Variants in WWOX observed in about 807,000 individuals in gnomAD.
WWOX encodes WW domain containing oxidoreductase, also known as WW domain-containing oxidoreductase.
WWOX carries 69 observed loss-of-function variants against 46.2 expected under a neutral mutation model. The ratio of observed to expected loss-of-function variants is 1.49; its 90% CI spans 1.23 to 1.82. WWOX has a LOEUF of 1.82. Ranked by LOEUF, WWOX falls within the 40% of genes most tolerant of loss-of-function variation. The pLI, the probability that WWOX is intolerant of heterozygous loss-of-function variation, is 0.00. For synonymous variants in WWOX, 359 were observed against 202.6 expected (o/e 1.77, Z -6.56); for missense variants, 919 against 542.6 (o/e 1.69, Z -6.89).
chr16:78,959,307 C>T (rs1361007189), intron 8 of WWOX, among the ~76,000 whole-genome samples: 1 of 152,190 alleles, frequency 6.6e-6, no homozygotes, highest in African/African-American at 2.4e-5. Context: ...GTATTTTTTA[C>T]CTGTTGCTAT....
intron 8 of WWOX, among the ~76,000 whole-genome samples, chr16:78,666,069 G>A (rs573351763): frequency 8.5e-5 from 13 of 152,132 alleles, no homozygotes; most frequent in African/African-American, 3.1e-4. Context: ...AGGATTGCTT[G>A]AAGCCAGGAG....
intron 8 of WWOX, among the ~76,000 whole-genome samples, chr16:78,761,976 C>A (rs369356060): frequency 6.6e-6 from 1 of 152,124 alleles, no homozygotes; most frequent in African/African-American, 2.4e-5. Flanking sequence ...GTTTGAGAAA[C>A]TGTGCAGTGA....
Position 79,211,651 on chromosome 16 carries a change from A to G in WWOX, c.1100A>G (p.Glu367Gly), listed in dbSNP as rs2051755775. 6.2e-7 allele frequency: 1 copy of G among 1,614,060 alleles called. No homozygotes were observed. Among genetic ancestry groups the G allele is most frequent in the African/African-American group, 1.3e-5 (1 of 74,914 alleles). The stretch of plus-strand genomic sequence containing the variant: ...ACCGTGTACTGTGCTGCTGTCCCAG[A>G]ACTGGAGGGTCTGGGAGGGATGTAC... Reference protein sequence around the residue: ...ATTVYCAAVPELEGLGGMYFN... With the variant: ...ATTVYCAAVPGLEGLGGMYFN... Residue 367 changes from glutamate (E) to glycine (G), a missense_variant, in exon 9 of 9, where the codon GAA (glutamate) becomes GGA (glycine). Coordinates refer to ENST00000566780, the MANE Select transcript of WWOX (RefSeq NM_016373.4).
At chr16:78,739,358 A>T (rs1371684294) in intron 8 of WWOX, among the ~76,000 whole-genome samples, 1 of 152,190 alleles carries the variant, frequency 6.6e-6, no homozygotes. Flanking sequence ...CATTAGGATC[A>T]TGTTTAGCCA....
intron 8 of WWOX, among the ~76,000 whole-genome samples, chr16:79,066,443 C>G (rs1055233773): frequency 6.6e-6 from 1 of 151,838 alleles, no homozygotes; most frequent in African/African-American, 2.4e-5. Flanking sequence ...ATTAGGCTCA[C>G]AGTTGAGCTC....
intron 8 of WWOX, among the ~76,000 whole-genome samples, chr16:79,069,257 G>A (rs993842459): frequency 2.6e-5 from 4 of 152,202 alleles, no homozygotes; most frequent in Admixed American, 6.5e-5. Flanking sequence ...GATTAATGCT[G>A]TTTAGAGTTG....
At chr16:78,352,506 T>C (rs2081205938) in intron 5 of WWOX, among the ~76,000 whole-genome samples, 1 of 152,238 alleles carries the variant, frequency 6.6e-6, no homozygotes, top group African/African-American at 2.4e-5. Context: ...AAGCCAGGGA[T>C]GGCTGCTCAA....
chr16:78,476,437 C>G (rs1245109233), intron 8 of WWOX, among the ~76,000 whole-genome samples: 1 of 152,064 alleles, frequency 6.6e-6, no homozygotes, highest in African/African-American at 2.4e-5. Flanking sequence ...AGGGGAACAT[C>G]ACACACCGGG....
intron 5 of WWOX, among the ~76,000 whole-genome samples, chr16:78,193,871 T>G (rs2035961917): frequency 3.3e-5 from 5 of 150,844 alleles, no homozygotes; most frequent in Admixed American, 2.0e-4. Flanking sequence ...TTATTATTAT[T>G]TTCTATTTTT....
At chr16:78,193,900 C>T (rs977248175) in intron 5 of WWOX, among the ~76,000 whole-genome samples, 11 of 149,668 alleles carry the variant, frequency 7.3e-5, no homozygotes, top group African/African-American at 1.7e-4. Context: ...TTTTTTGAGA[C>T]GGACTCTCGC....
chr16:79,173,009 A>C (rs956407319), intron 8 of WWOX, among the ~76,000 whole-genome samples: 1 of 152,202 alleles, frequency 6.6e-6, no homozygotes, highest in Non-Finnish European at 1.5e-5. Flanking sequence ...TGACAGAGCA[A>C]GACCCCATCT....
chr16:79,049,711 C>T (rs529171222), intron 8 of WWOX, among the ~76,000 whole-genome samples: 1 of 152,066 alleles, frequency 6.6e-6, no homozygotes, highest in East Asian at 1.9e-4. Context: ...TGGCCGGCGC[C>T]TGTAATCCCA....
intron 5 of WWOX, among the ~76,000 whole-genome samples, chr16:78,328,321 G>C (rs2080676557): frequency 6.6e-6 from 1 of 152,034 alleles, no homozygotes; most frequent in Non-Finnish European, 1.5e-5. Flanking sequence ...TTGATGTTTG[G>C]GTATATGTTA....
At chr16:78,418,421 C>T (rs1210184270) in intron 6 of WWOX, among the ~76,000 whole-genome samples, 2 of 149,946 alleles carry the variant, frequency 1.3e-5, no homozygotes, top group Admixed American at 6.6e-5. Context: ...TTTAAAAAAA[C>T]AGAAGAGGAG....
At chr16:79,090,902 T>C (rs2048946480) in intron 8 of WWOX, among the ~76,000 whole-genome samples, 1 of 152,206 alleles carries the variant, frequency 6.6e-6, no homozygotes, top group African/African-American at 2.4e-5. Flanking sequence ...CAAACAATTG[T>C]CCTGCCTCAG....
chr16:78,619,600 G>C (rs8055745), intron 8 of WWOX, among the ~76,000 whole-genome samples: 4,442 of 151,814 alleles, frequency 0.029, 229 homozygotes, highest in African/African-American at 0.1. Flanking sequence ...GGAGGCAATA[G>C]TGATAGTAAA....
chr16:78,862,013 A>T (rs979734046), intron 8 of WWOX, among the ~76,000 whole-genome samples: 1 of 152,118 alleles, frequency 6.6e-6, no homozygotes, highest in African/African-American at 2.4e-5. Flanking sequence ...GTGTGTATCT[A>T]TGTATAGATA....
At chr16:79,175,424 C>T (rs1466566198) in intron 8 of WWOX, among the ~76,000 whole-genome samples, 1 of 152,168 alleles carries the variant, frequency 6.6e-6, no homozygotes, top group South Asian at 2.1e-4. Context: ...GCCACCAGGT[C>T]GGCCACAAAG....
chr16:78,848,964 G>A (rs2052370159), intron 8 of WWOX, among the ~76,000 whole-genome samples: 1 of 152,206 alleles, frequency 6.6e-6, no homozygotes, highest in African/African-American at 2.4e-5. Flanking sequence ...GGGTAAAGGT[G>A]CTGAAAATCA....
Sources: gnomAD v4.1 joint callset for allele counts (sites outside exome capture counted in the v4.1 genomes callset) on GRCh38, gnomAD v4.1.1 for gene constraint, MANE v1.5 for transcripts, NCBI Gene and HGNC (gene_info 2026-07-23, HGNC 2026-07-21) for gene names.